Variants in KCNJ14 observed in about 807,000 individuals in gnomAD.
KCNJ14 encodes potassium inwardly rectifying channel subfamily J member 14, also known as ATP-sensitive inward rectifier potassium channel 14.
In KCNJ14, 18 loss-of-function variants were observed where a neutral mutation model predicts 24.5. The observed-to-expected ratio is 0.74, with a 90% CI of 0.51 to 1.09. KCNJ14 has a LOEUF of 1.09. Ranked by LOEUF, KCNJ14 falls within the 50% of genes least tolerant of loss-of-function variation. The pLI, the probability that KCNJ14 is intolerant of heterozygous loss-of-function variation, is 0.00. For missense variants in KCNJ14, 633 were observed against 623.0 expected (o/e 1.02, Z -0.17); for synonymous variants, 288 against 270.8 (o/e 1.06, Z -0.63).
In KCNJ14 at chr19:48,459,922, G is replaced by A. The variant is rs113797517; in HGVS notation, c.-55-1748G>A. On this transcript the variant is annotated intron_variant, in intron 1 of 2. Coordinates refer to ENST00000342291, the MANE Select transcript of KCNJ14 (RefSeq NM_013348.4). ...CATGTGCCTGTAATCCTGGCTGCTC[G>A]GGAGGCTGAGGCAGGAGAACCCAGG... Among the ~76,000 whole-genome samples, 903 of 152,022 alleles carry A rather than the reference G, an allele frequency of 5.9e-3. 5 individuals are homozygous for A. The highest frequency in any genetic ancestry group is 9.7e-3 in the Non-Finnish European group (657 of 67,976).
At chr19:48,461,639 C>A in intron 1 of KCNJ14, 31 bp from the exon 2 acceptor site, 1 of 788,204 alleles carries the variant, frequency 1.3e-6, no homozygotes, top group Middle Eastern at 3.9e-4. Context: ...TTCCTGTTGC[C>A]CCTGACGTTT....
chr19:48,461,550 A>AAAAAAAAAAAAAAAAAAAAAAAAAAAG (rs370425889), intron 1 of KCNJ14, 120 bp from the exon 2 acceptor site: 3 of 346,480 alleles, frequency 8.7e-6, no homozygotes, highest in Admixed American at 4.8e-5. Flanking sequence ...AAAAAAAAAA[A>AAAAAAAAAAAAAAAAAAAAAAAAAAAG]TGCGTATCGT....
rs964513022 is a variant in KCNJ14 at position 48,462,519 on chromosome 19, C to T, written c.714+81C>T. On this transcript the variant is annotated intron_variant, in intron 2 of 2. Coordinates refer to ENST00000342291, the MANE Select transcript of KCNJ14 (RefSeq NM_013348.4). The surrounding 1 kb of genome is among the most constrained non-coding windows in gnomAD (Gnocchi z 4.9). ...TGTAGGCCCGAGGGCGAGGGGCGTG[C>T]GGTCCTGGAGGGGGCGTGGACTACA... 8.9e-6 allele frequency: 10 copies of T among 1,129,336 alleles called. No homozygotes were observed. The South Asian group carries it at 1.3e-4, about 15-fold the overall frequency. 70.0% of individuals were successfully genotyped at this position (1,129,336 alleles called of 1,614,324 possible).
At chr19:48,458,935 C>CAAAAA (rs34990679) in intron 1 of KCNJ14, among the ~76,000 whole-genome samples, 4 of 38,652 alleles carry the variant, frequency 1.0e-4, no homozygotes, top group African/African-American at 4.7e-4. Flanking sequence ...GACTCCGTCT[C>CAAAAA]AAAAAAAAAA....
rs781047556 is a variant in KCNJ14 at position 48,461,874 on chromosome 19, T to C, written c.150T>C (p.Gly50=). ...AGTCACCCGTGGGCCGGCGCCGCGG[T>C]CGCTTCGTCAAGAAAGACGGGCACT... is the stretch of plus-strand genomic sequence containing the variant. ...PVQSPVGRRR[G]RFVKKDGHCN... is the part of the protein sequence containing the mutation. The change falls in exon 2 of 3, where the codon GGT becomes GGC. Residue 50 remains glycine, a synonymous_variant. Coordinates refer to ENST00000342291, the MANE Select transcript of KCNJ14 (RefSeq NM_013348.4). The C allele has an allele frequency of 6.3e-7, 1 of 1,581,768 alleles. No homozygotes were observed. The highest frequency in any genetic ancestry group is 8.6e-7 in the Non-Finnish European group (1 of 1,163,416).
At chr19:48,459,567 T>A (rs922005517) in intron 1 of KCNJ14, among the ~76,000 whole-genome samples, 3 of 152,214 alleles carry the variant, frequency 2.0e-5, no homozygotes, top group East Asian at 3.9e-4. Flanking sequence ...GCTAATTTTT[T>A]AATTTTTTTG....
intron 2 of KCNJ14, among the ~76,000 whole-genome samples, chr19:48,463,443 G>T (rs1274477430): frequency 6.6e-6 from 1 of 152,192 alleles, no homozygotes; most frequent in African/African-American, 2.4e-5. Context: ...GGCTCTTGCA[G>T]AAGTCGGTGG....
At chr19:48,461,550 A>AAAAAAAAAAAAAATG (rs370425889) in intron 1 of KCNJ14, 120 bp from the exon 2 acceptor site, 1 of 346,458 alleles carries the variant, frequency 2.9e-6, no homozygotes, top group African/African-American at 3.1e-5. Flanking sequence ...AAAAAAAAAA[A>AAAAAAAAAAAAAATG]TGCGTATCGT....
Position 48,464,325 on chromosome 19 carries a change from C to CT in KCNJ14, c.860dup (p.Gly288ArgfsTer9). 1.2e-6 allele frequency: 2 copies of CT among 1,613,668 alleles called. No individual in the cohort carries two copies. The highest frequency in any genetic ancestry group is 8.5e-7 in the Non-Finnish European group (1 of 1,179,794). ...CGACTCTGCCAGTCCTCTGTATGAG[C>CT]TAGGACGTGCCGAGCTGGCCAGGGC... On this transcript the variant is annotated frameshift_variant, in exon 3 of 3. Transcript: ENST00000342291. LOFTEE classifies it high-confidence loss of function.
chr19:48,460,490 G>A (rs934686205), intron 1 of KCNJ14, among the ~76,000 whole-genome samples: 2 of 152,114 alleles, frequency 1.3e-5, no homozygotes, highest in African/African-American at 2.4e-5. Context: ...TGATCCGCCC[G>A]CCTCGGCCTC....
Position 48,461,667 on chromosome 19 carries a change from C to G in KCNJ14, c.-55-3C>G. The G allele has an allele frequency of 8.9e-7, 1 of 1,123,180 alleles. No individual in the cohort carries two copies. The highest frequency in any genetic ancestry group is 2.0e-5 in the South Asian group (1 of 48,996). The allele number at this position is 1,123,180 out of a possible 1,614,324, so 69.6% of individuals were successfully genotyped here. A position where few individuals can be genotyped will look rare whatever the true frequency, so the allele number is the denominator to read the frequency against. ...TGACGTTTCTGCCGGTTTCTTGTCC[C>G]AGCAGGTTGGGGGCGCCTGCCCCCC... On this transcript the variant is annotated splice_polypyrimidine_tract_variant and splice_region_variant and intron_variant, in intron 1 of 2. Transcript: ENST00000342291.
chr19:48,461,691 C>G lies in KCNJ14; in HGVS notation c.-34C>G, dbSNP rs372848885. On this transcript the variant is annotated 5_prime_UTR_variant, in exon 2 of 3. Transcript: ENST00000342291. ...CCAGCAGGTTGGGGGCGCCTGCCCC[C>G]CACTAGGCCAAGTGGAGGGGGTCCC... 31 of 1,350,266 alleles carry G rather than the reference C, an allele frequency of 2.3e-5. No homozygotes were observed. The highest frequency in any genetic ancestry group is 2.0e-4 in the African/African-American group (13 of 64,818). The allele number at this position is 1,350,266 out of a possible 1,614,324, so 83.6% of individuals were successfully genotyped here.
chr19:48,463,494 G>A (rs1390538308), intron 2 of KCNJ14, among the ~76,000 whole-genome samples: 1 of 152,146 alleles, frequency 6.6e-6, no homozygotes, highest in Non-Finnish European at 1.5e-5. Context: ...GAACCAGCGG[G>A]TAGGCGGGGG....
intron 1 of KCNJ14, among the ~76,000 whole-genome samples, chr19:48,459,434 G>A (rs1971571412): frequency 1.3e-5 from 2 of 151,890 alleles, no homozygotes; most frequent in Admixed American, 6.6e-5. Flanking sequence ...TTGCTCTGTC[G>A]CCCAGGCTAG....
At chr19:48,458,241 G>A (rs553925098) in intron 1 of KCNJ14, among the ~76,000 whole-genome samples, 81 of 152,306 alleles carry the variant, frequency 5.3e-4, no homozygotes, top group African/African-American at 1.8e-3. Flanking sequence ...GTAATTCTAT[G>A]TTTAACCATT....
rs1295955308 is a variant in KCNJ14 at position 48,457,515 on chromosome 19, C to G, written c.-56+1657C>G. Among the ~76,000 whole-genome samples, 4 of 152,166 alleles carry G rather than the reference C, an allele frequency of 2.6e-5. No homozygotes were observed. In the South Asian group the frequency reaches 6.2e-4, roughly 24 times the overall value. On this transcript the variant is annotated intron_variant, in intron 1 of 2. Transcript: ENST00000342291. ...TTCCCCACCTTACAATGGAGGAAAC[C>G]GAGACTCAGAAAGAGTTGCCAAAGA...
At chr19:48,459,507 A>G (rs983720470) in intron 1 of KCNJ14, among the ~76,000 whole-genome samples, 2 of 151,960 alleles carry the variant, frequency 1.3e-5, no homozygotes, top group African/African-American at 4.8e-5. Flanking sequence ...CAATCCTCCC[A>G]CCTCAACCTT....
chr19:48,464,790 T>C lies in KCNJ14; in HGVS notation c.*13T>C. ...CCTGCCTCCATGATGCAAACTGATG[T>C]CCCCTTCCCCGTGTATGCCCCCTTC... On this transcript the variant is annotated 3_prime_UTR_variant, in exon 3 of 3. Transcript: ENST00000342291. 6.4e-7 allele frequency: 1 copy of C among 1,573,942 alleles called. No individual in the cohort carries two copies. The highest frequency in any genetic ancestry group is 8.6e-7 in the Non-Finnish European group (1 of 1,156,710).
intron 2 of KCNJ14, 77 bp from the exon 3 acceptor site, chr19:48,464,104 T>C: frequency 1.0e-6 from 1 of 995,568 alleles, no homozygotes; most frequent in Admixed American, 1.7e-5. Context: ...TTTCTCTGCA[T>C]CTCTTCCTCT....
Sources: gnomAD v4.1 joint callset for allele counts (sites outside exome capture counted in the v4.1 genomes callset) on GRCh38, gnomAD v4.1.1 for gene constraint, Gnocchi (gnomAD v3.1) non-coding constraint, MANE v1.5 for transcripts, NCBI Gene and HGNC (gene_info 2026-07-23, HGNC 2026-07-21) for gene names.